Variants in PKP2 observed in about 807,000 individuals in gnomAD.
PKP2 encodes the protein plakophilin-2.
In PKP2, 73 loss-of-function variants were observed where a neutral mutation model predicts 83.4. That is an observed-to-expected ratio of 0.88 (90% CI 0.72 to 1.06). The LOEUF is 1.06. PKP2 is among the 50% of genes least tolerant of loss of function. The pLI, the probability that PKP2 is intolerant of heterozygous loss-of-function variation, is 0.00. For missense variants in PKP2, 966 were observed against 1,065.4 expected (o/e 0.91, Z 1.30); for synonymous variants, 409 against 430.4 (o/e 0.95, Z 0.62).
At chr12:32,840,151 G>A (rs1371281524) in intron 6 of PKP2, among the ~76,000 whole-genome samples, 2 of 152,184 alleles carry the variant, frequency 1.3e-5, no homozygotes, top group South Asian at 2.1e-4. Context: ...GGTCTGGGGT[G>A]GGACCTGAGA....
At chr12:32,835,602 GAA>G (rs1306179566) in intron 6 of PKP2, among the ~76,000 whole-genome samples, 1 of 152,134 alleles carries the variant, frequency 6.6e-6, no homozygotes, top group Non-Finnish European at 1.5e-5. Context: ...AAAACATGCT[GAA>G]GTTTCCTTAT....
At chr12:32,889,056 A>G (rs1957055760) in intron 1 of PKP2, among the ~76,000 whole-genome samples, 1 of 152,190 alleles carries the variant, frequency 6.6e-6, no homozygotes, top group Non-Finnish European at 1.5e-5. Flanking sequence ...ACTCACAATT[A>G]TCAAATTCTT....
At chr12:32,804,355 A>C (rs1956206065) in intron 9 of PKP2, among the ~76,000 whole-genome samples, 2 of 152,068 alleles carry the variant, frequency 1.3e-5, no homozygotes, top group Admixed American at 1.3e-4. Context: ...TAGGTTTGTT[A>C]GACAGGTTAA....
chr12:32,895,582 T>A (rs1320647929), intron 1 of PKP2, among the ~76,000 whole-genome samples: 1 of 152,214 alleles, frequency 6.6e-6, no homozygotes, highest in Admixed American at 6.5e-5. Context: ...TAATGCAAAC[T>A]CACATACACA....
chr12:32,877,716 G>A, intron 3 of PKP2, 130 bp downstream of exon 3: 1 of 772,676 alleles, frequency 1.3e-6, no homozygotes, highest in Non-Finnish European at 2.3e-6. Context: ...TGCCTGAAAA[G>A]TCATTATTTT....
At position 32,797,973 on chromosome 12, in the gene PKP2, A is replaced by G. The variant is rs999000228; in HGVS notation, c.2168-1675T>C. On this transcript the variant is annotated intron_variant, in intron 10 of 12. Coordinates refer to ENST00000340811, the MANE Select transcript of PKP2 (RefSeq NM_001005242.3). ...GGAGTTTGAGACCAGTCTGGAAAAT[A>G]TAATGAGACCCCGTCTCTATTTTAA... is the stretch of plus-strand genomic sequence containing the variant. 2.6e-5 allele frequency among the ~76,000 whole-genome samples: 4 copies of G among 152,294 alleles called. No homozygotes were observed. In the South Asian group the frequency reaches 6.2e-4, roughly 24 times the overall value.
chr12:32,846,052 A>G (rs1004690986), intron 5 of PKP2, among the ~76,000 whole-genome samples: 1 of 152,210 alleles, frequency 6.6e-6, no homozygotes, highest in Non-Finnish European at 1.5e-5. Flanking sequence ...CCAATTAAGT[A>G]CTTCTATAAA....
At chr12:32,797,648 C>T (rs967126089) in intron 10 of PKP2, among the ~76,000 whole-genome samples, 62 of 150,830 alleles carry the variant, frequency 4.1e-4, no homozygotes, top group African/African-American at 1.5e-3. Flanking sequence ...CTCCGCCTCC[C>T]GGGTTCATGC....
intron 5 of PKP2, among the ~76,000 whole-genome samples, chr12:32,842,887 C>A (rs560363500): frequency 6.6e-6 from 1 of 152,054 alleles, no homozygotes; most frequent in South Asian, 2.1e-4. Flanking sequence ...GTTGGCCAGG[C>A]TGGTCTCGAA....
At chr12:32,835,640 T>C (rs915561238) in intron 6 of PKP2, among the ~76,000 whole-genome samples, 4 of 152,178 alleles carry the variant, frequency 2.6e-5, no homozygotes, top group Non-Finnish European at 5.9e-5. Flanking sequence ...AAAGGAATTG[T>C]TTCTTCTTTG....
chr12:32,802,957 C>T (rs1214365756), intron 9 of PKP2, among the ~76,000 whole-genome samples: 1 of 151,958 alleles, frequency 6.6e-6, no homozygotes, highest in Non-Finnish European at 1.5e-5. Flanking sequence ...CCATGCCCAG[C>T]CGAAGATGTT....
At chr12:32,877,680 A>G (rs1956942908) in intron 3 of PKP2, among the ~76,000 whole-genome samples, 166 bp downstream of exon 3, 1 of 152,204 alleles carries the variant, frequency 6.6e-6, no homozygotes, top group African/African-American at 2.4e-5. Flanking sequence ...CCTGAGGTAA[A>G]TAGGCTGATC....
chr12:32,849,641 T>G (rs367897212), intron 5 of PKP2, among the ~76,000 whole-genome samples: 7 of 152,238 alleles, frequency 4.6e-5, no homozygotes, highest in East Asian at 3.8e-4. Context: ...GACTGTTCAT[T>G]TAAATGAAAG....
intron 9 of PKP2, among the ~76,000 whole-genome samples, chr12:32,804,343 T>C (rs115020998): frequency 0.022 from 3,413 of 152,160 alleles, 133 homozygotes; most frequent in African/African-American, 0.078. Flanking sequence ...GTGTAGGATG[T>C]GTAGGTTTGT....
chr12:32,865,131 T>C (rs375661121), intron 4 of PKP2, among the ~76,000 whole-genome samples: 28 of 152,250 alleles, frequency 1.8e-4, no homozygotes, highest in African/African-American at 6.5e-4. Flanking sequence ...TCCCAGCACT[T>C]TGGGAGGCTG....
chr12:32,834,490 G>C (rs1565584715), intron 6 of PKP2, among the ~76,000 whole-genome samples: 1 of 152,112 alleles, frequency 6.6e-6, no homozygotes, highest in Non-Finnish European at 1.5e-5. Flanking sequence ...AAGCTCCCTA[G>C]ATGTGTTTGT....
intron 6 of PKP2, among the ~76,000 whole-genome samples, chr12:32,837,956 A>G (rs1956557011): frequency 6.6e-6 from 1 of 152,248 alleles, no homozygotes; most frequent in Non-Finnish European, 1.5e-5. Context: ...TAGAATTACC[A>G]TTCAATCCAG....
At chr12:32,886,934 A>G (rs548768623) in intron 1 of PKP2, among the ~76,000 whole-genome samples, 1 of 152,140 alleles carries the variant, frequency 6.6e-6, no homozygotes, top group East Asian at 1.9e-4. Context: ...TGGAGACAGA[A>G]GTTGCAGTTA....
At chr12:32,864,016 C>A (rs1048997357) in intron 4 of PKP2, among the ~76,000 whole-genome samples, 4 of 151,782 alleles carry the variant, frequency 2.6e-5, no homozygotes, top group Admixed American at 6.6e-5. Context: ...AGGTAATTTA[C>A]CATAATGGCA....
Sources: gnomAD v4.1 joint callset for allele counts (sites outside exome capture counted in the v4.1 genomes callset) on GRCh38, gnomAD v4.1.1 for gene constraint, MANE v1.5 for transcripts, NCBI Gene and HGNC (gene_info 2026-07-23, HGNC 2026-07-21) for gene names.